Variants in SHISA9 observed in about 807,000 individuals in gnomAD.
SHISA9 encodes the protein shisa family member 9.
Under a neutral mutation model 38.0 loss-of-function variants are expected in SHISA9, and 13 were observed. The observed-to-expected ratio is 0.34, with a 90% CI of 0.22 to 0.54. SHISA9 has a LOEUF of 0.54. SHISA9 is among the 20% of genes least tolerant of loss of function. SHISA9 has a pLI of 0.91. For missense variants in SHISA9, 538 were observed against 575.8 expected (o/e 0.93, Z 0.67); for synonymous variants, 275 against 242.0 (o/e 1.14, Z -1.27).
intron 2 of SHISA9, among the ~76,000 whole-genome samples, chr16:13,141,265 A>G (rs1377813396): frequency 6.6e-6 from 1 of 152,196 alleles, no homozygotes; most frequent in East Asian, 1.9e-4. Flanking sequence ...AGAGATTTAA[A>G]CAAGAGACTT....
At chr16:13,180,157 T>G (rs1055947738) in intron 2 of SHISA9, among the ~76,000 whole-genome samples, 2 of 152,248 alleles carry the variant, frequency 1.3e-5, no homozygotes, top group Non-Finnish European at 2.9e-5. Context: ...ATGTAGACAC[T>G]GTTTAACACT....
At chr16:13,041,429 C>T (rs555177471) in intron 2 of SHISA9, among the ~76,000 whole-genome samples, 1 of 152,346 alleles carries the variant, frequency 6.6e-6, no homozygotes, top group Non-Finnish European at 1.5e-5. Context: ...CTTCTTCCTC[C>T]AGTGCAAACC....
intron 2 of SHISA9, among the ~76,000 whole-genome samples, chr16:13,113,695 A>G (rs1313276671): frequency 6.6e-6 from 1 of 152,170 alleles, no homozygotes; most frequent in Non-Finnish European, 1.5e-5. Context: ...AGGAATTGAG[A>G]GTGTCCTGAA....
At chr16:12,908,197 T>C (rs189798689) in intron 1 of SHISA9, among the ~76,000 whole-genome samples, 1 of 152,272 alleles carries the variant, frequency 6.6e-6, no homozygotes, top group East Asian at 1.9e-4. Context: ...TGAAGAGAAT[T>C]ATGTTGTCAT....
chr16:13,089,513 T>G (rs1371561715), intron 2 of SHISA9, among the ~76,000 whole-genome samples: 1 of 152,260 alleles, frequency 6.6e-6, no homozygotes, highest in Non-Finnish European at 1.5e-5. Flanking sequence ...TTCAACTTCT[T>G]CCTAGTTTAG....
At chr16:13,015,003 G>A (rs117865160) in intron 2 of SHISA9, among the ~76,000 whole-genome samples, 1 of 152,276 alleles carries the variant, frequency 6.6e-6, no homozygotes, top group African/African-American at 2.4e-5. Context: ...CTAATAAATG[G>A]CTGGTTAGTG....
chr16:12,941,970 C>A (rs2071617813), intron 2 of SHISA9, among the ~76,000 whole-genome samples: 1 of 152,174 alleles, frequency 6.6e-6, no homozygotes, highest in Non-Finnish European at 1.5e-5. Flanking sequence ...TTTGGGGGCA[C>A]AGTGGCGGGT....
At chr16:12,940,323 C>A (rs945496398) in intron 2 of SHISA9, among the ~76,000 whole-genome samples, 1 of 152,166 alleles carries the variant, frequency 6.6e-6, no homozygotes, top group Non-Finnish European at 1.5e-5. Flanking sequence ...CTTTGCTGCA[C>A]CCCAGCTTGT....
the SHISA9 span, among the ~76,000 whole-genome samples, chr16:13,299,223 A>G: frequency 6.6e-6 from 1 of 152,204 alleles, no homozygotes; most frequent in East Asian, 1.9e-4. Flanking sequence ...TTCCTTTGCC[A>G]AACACTCATT....
chr16:13,086,612 A>G (rs1226447960), intron 2 of SHISA9, among the ~76,000 whole-genome samples: 1 of 152,030 alleles, frequency 6.6e-6, no homozygotes, highest in Non-Finnish European at 1.5e-5. Flanking sequence ...CCAAAATGGT[A>G]CTAGTGAAAA....
intron 2 of SHISA9, among the ~76,000 whole-genome samples, chr16:12,950,645 T>C (rs1449967013): frequency 6.6e-6 from 1 of 151,736 alleles, no homozygotes; most frequent in African/African-American, 2.4e-5. Flanking sequence ...GGAGTGTCAC[T>C]GTTGCCAGGC....
chr16:13,482,801 T>A, the SHISA9 span, among the ~76,000 whole-genome samples: 30 of 112,546 alleles, frequency 2.7e-4, no homozygotes, highest in East Asian at 5.7e-4. Flanking sequence ...ATCCTGTCAC[T>A]AAAAAAAAAA....
At chr16:13,275,022 T>A in the SHISA9 span, among the ~76,000 whole-genome samples, 1 of 152,098 alleles carries the variant, frequency 6.6e-6, no homozygotes, top group Non-Finnish European at 1.5e-5. Flanking sequence ...AATTCCTCAC[T>A]GATGACAAGG....
intron 2 of SHISA9, among the ~76,000 whole-genome samples, chr16:13,134,458 G>A (rs1015625874): frequency 1.3e-5 from 2 of 152,092 alleles, no homozygotes; most frequent in East Asian, 1.9e-4. Context: ...GGAGAGAGGA[G>A]GGGTTATTTC....
chr16:13,491,069 C>G, the SHISA9 span, among the ~76,000 whole-genome samples: 1 of 152,178 alleles, frequency 6.6e-6, no homozygotes, highest in African/African-American at 2.4e-5. Flanking sequence ...TTCACTGAAT[C>G]TTAAAAACCC....
At chr16:13,362,538 C>G in the SHISA9 span, among the ~76,000 whole-genome samples, 1 of 152,120 alleles carries the variant, frequency 6.6e-6, no homozygotes, top group East Asian at 1.9e-4. Flanking sequence ...CTGAACTGGA[C>G]TTTGAAGGAT....
intron 2 of SHISA9, among the ~76,000 whole-genome samples, chr16:13,169,222 C>T (rs769985283): frequency 9.2e-5 from 14 of 152,262 alleles, no homozygotes; most frequent in Middle Eastern, 6.8e-3. Flanking sequence ...AGCCCTTTTC[C>T]GGGGTAATAA....
the SHISA9 span, among the ~76,000 whole-genome samples, chr16:13,448,323 G>A: frequency 5.3e-5 from 8 of 152,210 alleles, no homozygotes; most frequent in African/African-American, 1.9e-4. Flanking sequence ...AGTGGAACAC[G>A]CCTTCAAAGG....
At chr16:13,438,924 C>A in the SHISA9 span, among the ~76,000 whole-genome samples, 1 of 152,138 alleles carries the variant, frequency 6.6e-6, no homozygotes, top group South Asian at 2.1e-4. Context: ...GAAAAAGTGA[C>A]CCTAAAAGAA....
Sources: allele counts gnomAD v4.1 joint callset (sites outside exome capture counted in the v4.1 genomes callset), GRCh38; gene constraint gnomAD v4.1.1; transcripts MANE v1.5; gene names NCBI Gene and HGNC (gene_info 2026-07-23, HGNC 2026-07-21).